Variants in NARS2 observed in about 807,000 individuals in gnomAD.
NARS2 encodes asparaginyl-tRNA synthetase.
Under a neutral mutation model 62.9 loss-of-function variants are expected in NARS2, and 60 were observed. The observed-to-expected ratio is 0.95, with a 90% confidence interval of 0.77 to 1.18. The LOEUF (loss-of-function observed/expected upper bound fraction) is 1.18. Ranked by LOEUF, NARS2 falls within the 50% of genes most tolerant of loss-of-function variation. The pLI is 0.00. For missense variants in NARS2, 619 were observed against 576.4 expected (o/e 1.07, Z -0.76); for synonymous variants, 196 against 200.0 (o/e 0.98, Z 0.17).
intron 5 of NARS2, 34 bp from the exon 6 acceptor site, chr11:78,528,970 T>G (rs747752683): frequency 1.7e-5 from 23 of 1,381,390 alleles, no homozygotes; most frequent in Non-Finnish European, 2.3e-5. Flanking sequence ...CAAAAAACTA[T>G]TAAATGTTTT....
At chr11:78,502,577 G>A (rs1860321610) in intron 6 of NARS2, among the ~76,000 whole-genome samples, 2 of 152,160 alleles carry the variant, frequency 1.3e-5, no homozygotes, top group African/African-American at 4.8e-5. Flanking sequence ...CTGCTTTACG[G>A]GTATGGGCCT....
At chr11:78,448,309 G>A (rs1173606461) in intron 11 of NARS2, among the ~76,000 whole-genome samples, 1 of 148,702 alleles carries the variant, frequency 6.7e-6, no homozygotes, top group Admixed American at 6.8e-5. Context: ...ACAAGGGTGG[G>A]TAGTAATCAC....
rs1267963939 is a variant in NARS2, at chr11:78,571,449, G to A, written c.142-5C>T. 1.3e-6 allele frequency: 2 copies of A among 1,596,150 alleles called. No individual in the cohort carries two copies. Among genetic ancestry groups the A allele is most frequent in the African/African-American group, 2.7e-5 (2 of 74,120 alleles). On this transcript the variant is annotated splice_polypyrimidine_tract_variant and splice_region_variant and intron_variant, in intron 1 of 13. Transcript: ENST00000281038. ...TCGGACAGAACGAATCCATCCCTAA[G>A]GAAGAGAAATATTTCCAATGTGAGC...
At chr11:78,552,695 T>C (rs1004936701) in intron 5 of NARS2, among the ~76,000 whole-genome samples, 2 of 152,148 alleles carry the variant, frequency 1.3e-5, no homozygotes, top group Admixed American at 6.5e-5. Context: ...GGAAGCCCCC[T>C]CCCCACTTCG....
At chr11:78,491,007 C>A (rs889544206) in intron 7 of NARS2, among the ~76,000 whole-genome samples, 4 of 152,108 alleles carry the variant, frequency 2.6e-5, no homozygotes, top group Admixed American at 1.3e-4. Context: ...TATCTTGCAA[C>A]CCTGTCATAT....
At chr11:78,544,029 A>AC in intron 5 of NARS2, among the ~76,000 whole-genome samples, 1 of 151,144 alleles carries the variant, frequency 6.6e-6, no homozygotes, top group African/African-American at 2.4e-5. Flanking sequence ...AAAAAAAAAA[A>AC]AAAAAAAAAA....
chr11:78,452,896 A>G (rs1332940701), intron 11 of NARS2, among the ~76,000 whole-genome samples: 1 of 152,196 alleles, frequency 6.6e-6, no homozygotes, highest in Admixed American at 6.5e-5. Flanking sequence ...TAATTCAAAG[A>G]GAAAGGAAGG....
At chr11:78,483,159 C>T (rs545281331) in intron 7 of NARS2, among the ~76,000 whole-genome samples, 3 of 152,146 alleles carry the variant, frequency 2.0e-5, no homozygotes, top group Non-Finnish European at 2.9e-5. Flanking sequence ...CCTCAACAGA[C>T]GCAGAAAAGG....
intron 11 of NARS2, among the ~76,000 whole-genome samples, chr11:78,465,389 C>T (rs1276468972): frequency 1.3e-5 from 2 of 152,256 alleles, no homozygotes; most frequent in Non-Finnish European, 2.9e-5. Context: ...TCAAGTGCCG[C>T]CAAAGTGGGC....
intron 7 of NARS2, 147 bp from the exon 8 acceptor site, chr11:78,478,830 T>A: frequency 2.1e-6 from 1 of 465,622 alleles, no homozygotes; most frequent in Non-Finnish European, 3.8e-6. Flanking sequence ...GGAAAATTGG[T>A]TCAGTTTTCC....
intron 2 of NARS2, among the ~76,000 whole-genome samples, chr11:78,570,071 T>C (rs1031886386): frequency 1.3e-5 from 2 of 151,966 alleles, no homozygotes; most frequent in Non-Finnish European, 2.9e-5. Flanking sequence ...ACACCTGTAA[T>C]CCCAACTACT....
intron 6 of NARS2, among the ~76,000 whole-genome samples, chr11:78,497,370 T>C (rs1860105465): frequency 1.3e-5 from 2 of 152,160 alleles, no homozygotes; most frequent in Admixed American, 6.5e-5. Context: ...TTATTCTTTC[T>C]GGCCCTGAAA....
chr11:78,561,487 T>C (rs1440214343), intron 4 of NARS2, among the ~76,000 whole-genome samples: 1 of 152,144 alleles, frequency 6.6e-6, no homozygotes, highest in Non-Finnish European at 1.5e-5. Context: ...TCACCCAATT[T>C]TTCAGATTCC....
At position 78,568,990 on chromosome 11, in the gene NARS2, A is replaced by T. The variant is rs112083162; in HGVS notation, c.252-238T>A. Among the ~76,000 whole-genome samples the T allele has an allele frequency of 9.7e-3, 1,476 of 152,320 alleles. 28 individuals are homozygous for T. The highest frequency in any genetic ancestry group is 0.034 in the African/African-American group (1,403 of 41,568). On this transcript the variant is annotated intron_variant, in intron 2 of 13. Transcript: ENST00000281038. ...TAAGAATTTGTATAATTAATTCAGA[A>T]TTAAGAGGTTGTACAATTGCCCTTA...
chr11:78,470,484 A>G (rs1858822759), intron 9 of NARS2, among the ~76,000 whole-genome samples: 1 of 152,142 alleles, frequency 6.6e-6, no homozygotes, highest in South Asian at 2.1e-4. Flanking sequence ...TTTTTTACAG[A>G]TGTCATACAT....
chr11:78,503,251 T>C (rs1328100908), intron 6 of NARS2, among the ~76,000 whole-genome samples: 2 of 152,138 alleles, frequency 1.3e-5, no homozygotes, highest in Non-Finnish European at 2.9e-5. Flanking sequence ...TCAGCACAGA[T>C]GCTGAATGGT....
intron 9 of NARS2, among the ~76,000 whole-genome samples, chr11:78,477,923 T>C (rs1400040867): frequency 6.6e-6 from 1 of 152,152 alleles, no homozygotes; most frequent in Non-Finnish European, 1.5e-5. Flanking sequence ...TCTCTCTCTC[T>C]ATCTCCACAC....
chr11:78,452,047 G>T (rs775004238), intron 11 of NARS2, among the ~76,000 whole-genome samples: 21 of 152,116 alleles, frequency 1.4e-4, no homozygotes, highest in Non-Finnish European at 1.8e-4. Flanking sequence ...CTTTTAGTTA[G>T]ATGACCAAAC....
intron 5 of NARS2, among the ~76,000 whole-genome samples, chr11:78,551,722 G>C (rs959194291): frequency 1.3e-5 from 2 of 151,962 alleles, no homozygotes; most frequent in African/African-American, 4.8e-5. Context: ...GTGGTGGCAG[G>C]CGCCTGTAAT....
Sources: gnomAD v4.1 joint callset for allele counts (sites outside exome capture counted in the v4.1 genomes callset) on GRCh38, gnomAD v4.1.1 for gene constraint, MANE v1.5 for transcripts, NCBI Gene and HGNC (gene_info 2026-07-23, HGNC 2026-07-21) for gene names.